The following LPIN3 variants were observed in gnomAD, a reference collection of about 807,000 sequenced individuals.
The protein encoded by LPIN3 is phosphatidate phosphatase LPIN3.
A neutral mutation model predicts 94.7 loss-of-function variants in LPIN3; 82 were observed. That is an observed-to-expected ratio of 0.87 (90% CI 0.72 to 1.04). LPIN3 has a LOEUF of 1.04. LPIN3 is among the 50% of genes least tolerant of loss of function. The pLI is 0.00. For missense variants in LPIN3, 996 were observed against 1,090.5 expected, an observed-to-expected ratio of 0.91 and a Z score of 1.22; for synonymous variants, 418 against 443.3, an observed-to-expected ratio of 0.94 and a Z score of 0.72.
In LPIN3 at chr20:41,358,341, A is replaced by T; in HGVS notation, c.2297A>T (p.Asn766Ile). 2 of 1,614,082 alleles carry T rather than the reference A, an allele frequency of 1.2e-6. No individual in the cohort carries two copies. The highest frequency in any genetic ancestry group is 1.7e-6 in the Non-Finnish European group (2 of 1,179,990). ...CAGCCCTTCTATGCTGCCTTTGGGAATAGGCCCAATGTGAGTGTGTCCCCT... is the reference window on the plus strand; with the variant it reads ...CAGCCCTTCTATGCTGCCTTTGGGATTAGGCCCAATGTGAGTGTGTCCCCT... The part of the protein sequence containing the change: ...HGQPFYAAFG[N>I]RPNDVFAYRQ... The change falls in exon 18 of 20, where the codon AAT (asparagine) becomes ATT (isoleucine). Residue 766 changes from asparagine to isoleucine, a missense_variant. Physicochemically the swap from Asn to Ile is moderately radical, Grantham distance 149 (BLOSUM62 -3). Coordinates refer to ENST00000373257, the MANE Select transcript of LPIN3 (RefSeq NM_022896.3).
At chr20:41,351,793 C>T in intron 7 of LPIN3, 28 bp from the exon 8 acceptor site, 1 of 1,607,002 alleles carries the variant, frequency 6.2e-7, no homozygotes, top group Non-Finnish European at 8.5e-7. Context: ...CATGTCAGCT[C>T]TACAGATATC....
intron 19 of LPIN3, 32 bp from the exon 20 acceptor site, chr20:41,358,690 C>T: frequency 6.2e-7 from 1 of 1,610,800 alleles, no homozygotes; most frequent in Admixed American, 1.7e-5. Context: ...GGTGGCAGCT[C>T]AGGCTCAGTG....
Position 41,358,975 on chromosome 20 carries a change from G to A in LPIN3, c.*109G>A. ...GTCATGGGGCAAACCCACTGAAGGG[G>A]AAGGAGGAGGCTGCAGGTTGGTTGG... On this transcript the variant is annotated 3_prime_UTR_variant, in exon 20 of 20. Transcript: ENST00000373257. 2 of 1,381,014 alleles carry A rather than the reference G, an allele frequency of 1.4e-6. No homozygotes were observed. The highest frequency in any genetic ancestry group is 2.0e-6 in the Non-Finnish European group (2 of 1,016,778). 85.5% of individuals were successfully genotyped at this position (1,381,014 alleles called of 1,614,324 possible). A position where few individuals can be genotyped will look rare whatever the true frequency, so the allele number is the denominator to read the frequency against.
At position 41,358,471 on chromosome 20, in the gene LPIN3, T is replaced by C; in HGVS notation, c.2340T>C (p.Pro780=). 1 of 1,614,068 alleles carries C rather than the reference T, an allele frequency of 6.2e-7. No individual in the cohort carries two copies. The highest frequency in any genetic ancestry group is 8.5e-7 in the Non-Finnish European group (1 of 1,180,016). Residue 780 remains proline (P), a synonymous_variant, in exon 19 of 20, where the codon CCT becomes CCC. Coordinates refer to ENST00000373257, the MANE Select transcript of LPIN3 (RefSeq NM_022896.3). The part of the protein sequence containing the change: ...DVFAYRQVGL[P]ESRIFTVNPR... ...TTGCCTACCGGCAGGTGGGCCTGCC[T>C]GAGTCACGCATCTTCACAGTCAACC...
chr20:41,347,613 A>G lies in LPIN3; in HGVS notation c.254A>G (p.Glu85Gly). 4 of 1,614,014 alleles carry G rather than the reference A, an allele frequency of 2.5e-6. No individual in the cohort carries two copies. The highest frequency in any genetic ancestry group is 3.4e-6 in the Non-Finnish European group (4 of 1,179,958). Residue 85 changes from glutamate to glycine, a missense_variant, in exon 3 of 20, where the codon GAG becomes GGG. Physicochemically the swap from Glu to Gly is moderately conservative, Grantham distance 98. Transcript: ENST00000373257. ...DLHMKLGDSGEAFFVQELESD... is the reference protein window; with the variant it reads ...DLHMKLGDSGGAFFVQELESD... Reference sequence around the variant, plus strand: ...CACATGAAGCTTGGGGACAGCGGGGAGGCCTTCTTTGTTCAGGAGCTGGAG... The same window carrying G: ...CACATGAAGCTTGGGGACAGCGGGGGGGCCTTCTTTGTTCAGGAGCTGGAG...
chr20:41,355,822 C>T (rs2046187681), intron 13 of LPIN3, 74 bp from the exon 14 acceptor site: 12 of 1,578,794 alleles, frequency 7.6e-6, no homozygotes, highest in Admixed American at 3.4e-5. Context: ...CAGGTCCAGC[C>T]TCCTCTTGGC....
chr20:41,357,380 A>G lies in LPIN3; in HGVS notation c.1972A>G (p.Ile658Val), dbSNP rs2046248995. 1 of 1,613,974 alleles carries G rather than the reference A, an allele frequency of 6.2e-7. No homozygotes were observed. Among genetic ancestry groups the G allele is most frequent in the African/African-American group, 1.3e-5 (1 of 75,022 alleles). Residue 658 changes from isoleucine to valine, a missense_variant, in exon 16 of 20, where the codon ATC (isoleucine) becomes GTC (valine). By Grantham distance (29) the Ile-to-Val change is conservative. Coordinates refer to ENST00000373257, the MANE Select transcript of LPIN3 (RefSeq NM_022896.3). The part of the protein sequence containing the change: ...TITKSDALGH[I>V]LPQLGKDWTH... Reference sequence around the variant, plus strand: ...CTCTAGGTCAGATGCTCTGGGCCATATCCTGCCCCAGCTGGGGAAAGACTG... The same window carrying G: ...CTCTAGGTCAGATGCTCTGGGCCATGTCCTGCCCCAGCTGGGGAAAGACTG...
intron 7 of LPIN3, 66 bp from the exon 8 acceptor site, chr20:41,351,755 G>A (rs2046022862): frequency 1.4e-6 from 2 of 1,433,332 alleles, no homozygotes; most frequent in African/African-American, 1.4e-5. Flanking sequence ...CAGAGTCAGA[G>A]GGCACTTACT....
chr20:41,358,637 T>C, intron 19 of LPIN3, 85 bp from the exon 20 acceptor site: 1 of 1,603,848 alleles, frequency 6.2e-7, no homozygotes, highest in Non-Finnish European at 8.5e-7. Context: ...CCGGGGAGTC[T>C]GTCCCTTACT....
chr20:41,349,692 C>A, intron 5 of LPIN3, 82 bp from the exon 6 acceptor site: 1 of 1,511,670 alleles, frequency 6.6e-7, no homozygotes, highest in South Asian at 1.3e-5. Context: ...ATATAGGTTG[C>A]ACATATTTTT....
At chr20:41,358,627 C>T (rs2046301770) in intron 19 of LPIN3, 85 bp downstream of exon 19, 1 of 1,603,764 alleles carries the variant, frequency 6.2e-7, no homozygotes. Flanking sequence ...TTACCTCTTA[C>T]CGGGGAGTCT....
rs777633854 is a variant in LPIN3, at chr20:41,357,105, C to T, written c.1869C>T (p.Gly623=). 1.2e-6 allele frequency: 2 copies of T among 1,614,006 alleles called. No individual in the cohort carries two copies. Among genetic ancestry groups the T allele is most frequent in the African/African-American group, 1.3e-5 (1 of 74,924 alleles). ...VVFSVTTQYQ[G]TCRCKATIYL... is the part of the protein sequence containing the mutation. Reference sequence around the variant, plus strand: ...TCAGCGTGACCACTCAGTACCAGGGCACCTGCCGCTGCAAGGCCACCATCT... The same window carrying T: ...TCAGCGTGACCACTCAGTACCAGGGTACCTGCCGCTGCAAGGCCACCATCT... Residue 623 remains glycine, a synonymous_variant, in exon 15 of 20, where the codon GGC becomes GGT. Transcript: ENST00000373257.
In LPIN3 at chr20:41,348,660, G is replaced by T. The variant is rs150562240; in HGVS notation, c.330G>T (p.Trp110Cys). ...PPGLCTSPIPWGGLSGFPSDS... is the reference protein window; with the variant it reads ...PPGLCTSPIPCGGLSGFPSDS... Reference sequence around the variant, plus strand: ...GCCTGTGCACCTCACCCATCCCTTGGGGGGGTCTGTCTGGCTTCCCCTCGG... The same window carrying T: ...GCCTGTGCACCTCACCCATCCCTTGTGGGGGTCTGTCTGGCTTCCCCTCGG... Residue 110 changes from tryptophan to cysteine, a missense_variant, in exon 4 of 20, where the codon TGG becomes TGT. Coordinates refer to ENST00000373257, the MANE Select transcript of LPIN3 (RefSeq NM_022896.3). 8.7e-6 allele frequency: 14 copies of T among 1,613,508 alleles called. No individual in the cohort carries two copies. The highest frequency in any genetic ancestry group is 1.3e-5 in the African/African-American group (1 of 74,914).
intron 6 of LPIN3, 23 bp downstream of exon 6, chr20:41,349,917 C>A: frequency 6.3e-7 from 1 of 1,599,610 alleles, no homozygotes; most frequent in South Asian, 1.1e-5. Flanking sequence ...GTATCAACCC[C>A]AGGCCCGGCC....
chr20:41,352,550 G>A (rs2046060776), intron 9 of LPIN3, 56 bp from the exon 10 acceptor site: 1 of 1,475,002 alleles, frequency 6.8e-7, no homozygotes. Flanking sequence ...GGGGGCTGGG[G>A]CAGCGGGTCA....
rs770389031 is a variant in LPIN3, at chr20:41,351,803, C to T, written c.1103-18C>T. 3 of 1,611,568 alleles carry T rather than the reference C, an allele frequency of 1.9e-6. No individual in the cohort carries two copies. The highest frequency in any genetic ancestry group is 2.5e-6 in the Non-Finnish European group (3 of 1,177,670). On this transcript the variant is annotated intron_variant, in intron 7 of 19. Coordinates refer to ENST00000373257, the MANE Select transcript of LPIN3 (RefSeq NM_022896.3). ...GAGCACATGTCAGCTCTACAGATAT[C>T]CTCTCTTCAACTCTCAGGCTCCCCA...
intron 7 of LPIN3, 113 bp from the exon 8 acceptor site, chr20:41,351,708 C>G: frequency 1.2e-6 from 1 of 863,160 alleles, no homozygotes. Context: ...TGTATCACTG[C>G]AGAAGGTTCT....
At chr20:41,344,758 T>C (rs1413097469) in intron 1 of LPIN3, among the ~76,000 whole-genome samples, 1 of 152,154 alleles carries the variant, frequency 6.6e-6, no homozygotes, top group Non-Finnish European at 1.5e-5. Context: ...GCAGCTTCAG[T>C]GGGCTGAGGC....
chr20:41,354,969 G>GT (rs201790173), intron 13 of LPIN3, 106 bp downstream of exon 13: 36,777 of 858,612 alleles, frequency 0.043, no homozygotes, highest in South Asian at 0.067. Context: ...CCAGCTGTGG[G>GT]TTTTTTTTTT....
Sources: allele counts gnomAD v4.1 joint callset (sites outside exome capture counted in the v4.1 genomes callset), GRCh38; gene constraint gnomAD v4.1.1; transcripts MANE v1.5; gene names NCBI Gene and HGNC (gene_info 2026-07-23, HGNC 2026-07-21).